The following ALDH1A3 variants were observed in gnomAD, a reference collection of about 807,000 sequenced individuals.
ALDH1A3 encodes the protein retinaldehyde dehydrogenase 3.
In ALDH1A3, 28 loss-of-function variants were observed where a neutral mutation model predicts 57.5. That is an observed-to-expected ratio of 0.49 (90% confidence interval 0.36 to 0.67). ALDH1A3 has a LOEUF of 0.67. Ranked by LOEUF, ALDH1A3 falls within the 30% of genes least tolerant of loss-of-function variation. ALDH1A3 has a pLI of 0.00. For synonymous variants in ALDH1A3, 281 were observed against 264.8 expected (o/e 1.06, Z -0.59); for missense variants, 507 against 669.4 (o/e 0.76, Z 2.68).
At chr15:100,908,291 C>A in intron 11 of ALDH1A3, 117 bp from the exon 12 acceptor site, 1 of 811,710 alleles carries the variant, frequency 1.2e-6, no homozygotes, top group Non-Finnish European at 2.0e-6. Flanking sequence ...ATCAAGGAAG[C>A]TTTGGCAAAA....
chr15:100,907,251 C>T lies in ALDH1A3; in HGVS notation c.1364C>T (p.Ala455Val). The T allele has an allele frequency of 6.2e-7, 1 of 1,614,252 alleles. No individual in the cohort carries two copies. Among genetic ancestry groups the T allele is most frequent in the Non-Finnish European group, 8.5e-7 (1 of 1,180,038 alleles). ...AATCTCGACAAAGCCCTGAAGTTGG[C>T]TTCTGCCTTAGAGTCTGGAACGGTC... The part of the protein sequence containing the change: ...TKNLDKALKL[A>V]SALESGTVWI... The change falls in exon 11 of 13, where the codon GCT (alanine) becomes GTT (valine). Residue 455 changes from alanine (A) to valine (V), a missense_variant. Physicochemically the swap from Ala to Val is moderately conservative, Grantham distance 64. This residue lies in a region of ALDH1A3 where 432 missense variants were observed against 608.4 expected (regional missense o/e 0.71). Transcript: ENST00000329841.
intron 9 of ALDH1A3, among the ~76,000 whole-genome samples, chr15:100,903,543 C>A (rs1463099354): frequency 6.6e-6 from 1 of 152,180 alleles, no homozygotes; most frequent in East Asian, 1.9e-4. Flanking sequence ...GGACAGCTTT[C>A]CCAAAGTGGG....
chr15:100,892,467 A>C (rs779541443), intron 3 of ALDH1A3, 43 bp from the exon 4 acceptor site: 1 of 1,610,078 alleles, frequency 6.2e-7, no homozygotes, highest in Non-Finnish European at 8.5e-7. Context: ...GTGCAAAAGA[A>C]AAGCAAGCTA....
intron 9 of ALDH1A3, among the ~76,000 whole-genome samples, chr15:100,902,696 CT>C (rs1284821419): frequency 9.2e-5 from 14 of 152,242 alleles, no homozygotes; most frequent in Admixed American, 9.2e-4. Context: ...TTGTGCCCTG[CT>C]GCGTCATCTC....
At chr15:100,883,192 C>G (rs188362289) in intron 1 of ALDH1A3, among the ~76,000 whole-genome samples, 2 of 152,290 alleles carry the variant, frequency 1.3e-5, no homozygotes, top group African/African-American at 4.8e-5. Flanking sequence ...CAGGAAGGAC[C>G]TAGAATCAGC....
At chr15:100,883,722 T>C (rs993665762) in intron 1 of ALDH1A3, among the ~76,000 whole-genome samples, 6 of 151,898 alleles carry the variant, frequency 4.0e-5, no homozygotes, top group African/African-American at 1.2e-4. Context: ...GTTTGTTACA[T>C]AGGTAAACAT....
Position 100,896,414 on chromosome 15 carries a change from T to C in ALDH1A3, c.780+368T>C, listed in dbSNP as rs2041704403. Among the ~76,000 whole-genome samples the C allele has an allele frequency of 2.0e-5, 3 of 149,244 alleles. No individual in the cohort carries two copies. The South Asian group carries it at 6.3e-4, about 31-fold the overall frequency. The stretch of plus-strand genomic sequence containing the variant: ...TATGCAAAGTGCTCCTACAAGTCAA[T>C]GAAAAAAAAAAACCAAACTGAATGG... On this transcript the variant is annotated intron_variant, in intron 7 of 12. Coordinates refer to ENST00000329841, the MANE Select transcript of ALDH1A3 (RefSeq NM_000693.4).
At chr15:100,901,671 T>C (rs2041770013) in intron 9 of ALDH1A3, among the ~76,000 whole-genome samples, 1 of 152,214 alleles carries the variant, frequency 6.6e-6, no homozygotes, top group Admixed American at 6.5e-5. Flanking sequence ...TTATGAGAAT[T>C]TCATGGCACC....
chr15:100,883,204 A>G (rs1220112871), intron 1 of ALDH1A3, among the ~76,000 whole-genome samples: 1 of 152,048 alleles, frequency 6.6e-6, no homozygotes. Context: ...AGAATCAGCA[A>G]TTTTCACTGA....
At chr15:100,882,495 C>T (rs554776132) in intron 1 of ALDH1A3, among the ~76,000 whole-genome samples, 1 of 152,336 alleles carries the variant, frequency 6.6e-6, no homozygotes, top group East Asian at 1.9e-4. Flanking sequence ...CCCCAAATCT[C>T]CTTTTCTGAA....
At position 100,905,631 on chromosome 15, in the gene ALDH1A3, A is replaced by C; in HGVS notation, c.1177A>C (p.Ile393Leu). The C allele has an allele frequency of 6.2e-7, 1 of 1,612,034 alleles. No homozygotes were observed. The highest frequency in any genetic ancestry group is 8.5e-7 in the Non-Finnish European group (1 of 1,178,966). The stretch of plus-strand genomic sequence containing the variant: ...AGCCATGGAAGACAAGGGGCTCTTC[A>C]TCAAACCCACTGTCTTCTCAGAAGT... Reference protein sequence around the residue: ...GSAMEDKGLFIKPTVFSEVTD... With the variant: ...GSAMEDKGLFLKPTVFSEVTD... Residue 393 changes from isoleucine to leucine, a missense_variant, in exon 10 of 13, where the codon ATC becomes CTC. Coordinates refer to ENST00000329841, the MANE Select transcript of ALDH1A3 (RefSeq NM_000693.4).
Position 100,906,709 on chromosome 15 carries a change from AAC to A in ALDH1A3, c.1234-408_1234-407del, listed in dbSNP as rs1435671641. Among the ~76,000 whole-genome samples the A allele has an allele frequency of 6.6e-6, 1 of 152,110 alleles. No homozygotes were observed. Among genetic ancestry groups the A allele is most frequent in the Non-Finnish European group, 1.5e-5 (1 of 68,020 alleles). ...TTCTAGGGTGTCTTCCTTGGTAGAA[AAC>A]ACAGCTCCAAGAGGTAGGAGCACAG... On this transcript the variant is annotated intron_variant, in intron 10 of 12. Transcript: ENST00000329841. The surrounding 1 kb of genome is among the most constrained non-coding windows in gnomAD (Gnocchi z 4.8).
chr15:100,892,844 T>C (rs1000781277), intron 4 of ALDH1A3, 101 bp from the exon 5 acceptor site: 2 of 1,395,562 alleles, frequency 1.4e-6, no homozygotes, highest in African/African-American at 2.9e-5. Flanking sequence ...AAGACTTGAA[T>C]CTGGCACCCT....
Position 100,914,764 on chromosome 15 carries a change from GA to G in ALDH1A3, c.1532del (p.Asn511ThrfsTer28). 6.2e-7 allele frequency: 1 copy of G among 1,614,066 alleles called. No homozygotes were observed. Among genetic ancestry groups the G allele is most frequent in the East Asian group, 2.2e-5 (1 of 44,882 alleles). The part of the protein sequence containing the change: ...KTVTIKLGDK[N>X]P ...CTGTCACCATCAAACTTGGCGACAA[GA>G]ACCCCTGAAGGAAAGGCGGGGCTCC... is the stretch of plus-strand genomic sequence containing the variant. On this transcript the variant is annotated frameshift_variant, in exon 13 of 13. Coordinates refer to ENST00000329841, the MANE Select transcript of ALDH1A3 (RefSeq NM_000693.4). LOFTEE classifies it high-confidence loss of function.
Position 100,887,846 on chromosome 15 carries a change from C to T in ALDH1A3, c.345+134C>T, listed in dbSNP as rs1002232130. ...TGGGTCTGTTCCATCCTCTGAGACA[C>T]GGCTCTCTGGCAATACTTGCAGGTG... is the stretch of plus-strand genomic sequence containing the variant. On this transcript the variant is annotated intron_variant, in intron 3 of 12. Transcript: ENST00000329841. This position sits in a 1 kb window ranked among gnomAD's most constrained non-coding sequence, Gnocchi z 4.6. 20 of 1,120,288 alleles carry T rather than the reference C, an allele frequency of 1.8e-5. No homozygotes were observed. Among genetic ancestry groups the T allele is most frequent in the East Asian group, 1.4e-4 (5 of 34,652 alleles). 69.4% of individuals were successfully genotyped at this position (1,120,288 alleles called of 1,614,324 possible).
intron 1 of ALDH1A3, among the ~76,000 whole-genome samples, chr15:100,881,789 C>G (rs1199662730): frequency 2.6e-5 from 4 of 152,202 alleles, no homozygotes; most frequent in African/African-American, 7.2e-5. Context: ...CTGCCTGACA[C>G]CGGCTGCTGG....
chr15:100,907,074 T>G, intron 10 of ALDH1A3, 47 bp from the exon 11 acceptor site: 1 of 1,596,112 alleles, frequency 6.3e-7, no homozygotes, highest in East Asian at 2.2e-5. Flanking sequence ...CAGCATGCAT[T>G]TCCATTCAGT....
At chr15:100,881,084 T>C (rs2041543344) in intron 1 of ALDH1A3, 1 of 152,252 alleles carries the variant, frequency 6.6e-6, no homozygotes, top group South Asian at 2.1e-4. Flanking sequence ...CTTTAAGAAG[T>C]AGCAATTATC....
rs563336546 is a variant in ALDH1A3 at position 100,889,496 on chromosome 15, C to A, written c.345+1784C>A. Among the ~76,000 whole-genome samples the A allele has an allele frequency of 6.6e-6, 1 of 152,210 alleles. No individual in the cohort carries two copies. The highest frequency in any genetic ancestry group is 1.5e-5 in the Non-Finnish European group (1 of 68,030). ...AGGAGCCTCTGGTTTCTTCCTGCAA[C>A]GTAAGCCAGCGTCAACCCTCAAGCT... is the stretch of plus-strand genomic sequence containing the variant. On this transcript the variant is annotated intron_variant, in intron 3 of 12. Transcript: ENST00000329841. The surrounding 1 kb of genome is among the most constrained non-coding windows in gnomAD (Gnocchi z 5.1).
Sources: gnomAD v4.1 joint callset for allele counts (sites outside exome capture counted in the v4.1 genomes callset) on GRCh38, gnomAD v4.1.1 for gene constraint, gnomAD v4.1.1 regional missense constraint, Gnocchi (gnomAD v3.1) non-coding constraint, MANE v1.5 for transcripts, NCBI Gene and HGNC (gene_info 2026-07-23, HGNC 2026-07-21) for gene names.